The following NAV3 variants were observed in gnomAD, a reference collection of about 807,000 sequenced individuals.
NAV3 encodes the protein pore membrane and/or filament interacting like protein 1.
Under a neutral mutation model 244.7 loss-of-function variants are expected in NAV3, and 87 were observed. That is an observed-to-expected ratio of 0.36 (90% CI 0.30 to 0.42). The LOEUF (loss-of-function observed/expected upper bound fraction) is 0.42. NAV3 is among the 20% of genes least tolerant of loss of function. The pLI is 1.00. For missense variants in NAV3, 2,663 were observed against 2,893.3 expected (o/e 0.92, Z 1.83); for synonymous variants, 1,126 against 1,042.2 (o/e 1.08, Z -1.55).
At chr12:77,676,433 AT>A (rs372660621) in intron 2 of NAV3, among the ~76,000 whole-genome samples, 4 of 152,264 alleles carry the variant, frequency 2.6e-5, no homozygotes, top group African/African-American at 9.6e-5. Flanking sequence ...GCTGACAAGC[AT>A]GTCTTATAGT....
At chr12:77,613,008 G>T (rs570282083) in intron 2 of NAV3, among the ~76,000 whole-genome samples, 1 of 152,224 alleles carries the variant, frequency 6.6e-6, no homozygotes, top group South Asian at 2.1e-4. Flanking sequence ...CTTCCGCCGT[G>T]ATTGTAAGTT....
intron 9 of NAV3, among the ~76,000 whole-genome samples, chr12:78,043,735 T>C (rs980678728): frequency 1.3e-5 from 2 of 152,246 alleles, no homozygotes; most frequent in Non-Finnish European, 2.9e-5. Flanking sequence ...ATGTCTTCTT[T>C]TGAGAGGTGT....
intron 3 of NAV3, among the ~76,000 whole-genome samples, chr12:77,961,627 AAT>A (rs1892011097): frequency 7.2e-6 from 1 of 139,356 alleles, no homozygotes; most frequent in African/African-American, 2.6e-5. Flanking sequence ...CTATATATGT[AAT>A]ATATATTATG....
At chr12:78,094,977 G>A (rs1021943770) in intron 12 of NAV3, among the ~76,000 whole-genome samples, 32 of 151,292 alleles carry the variant, frequency 2.1e-4, no homozygotes, top group African/African-American at 7.3e-4. Flanking sequence ...AACCCAGGAG[G>A]CGAGGGTTGC....
intron 12 of NAV3, among the ~76,000 whole-genome samples, chr12:78,115,153 G>A (rs1428102965): frequency 6.6e-6 from 1 of 152,126 alleles, no homozygotes; most frequent in Non-Finnish European, 1.5e-5. Context: ...GTGCTTTCAT[G>A]ATGAATATTC....
intron 37 of NAV3, 87 bp downstream of exon 37, chr12:78,199,618 G>A: frequency 1.0e-6 from 1 of 998,008 alleles, no homozygotes. Context: ...AAAATAACAA[G>A]CAAAGCTAAT....
chr12:77,992,823 A>G (rs1871676236), intron 5 of NAV3, among the ~76,000 whole-genome samples: 1 of 152,220 alleles, frequency 6.6e-6, no homozygotes, highest in South Asian at 2.1e-4. Flanking sequence ...GGGTCAGCTT[A>G]CTGGAATGCC....
At chr12:77,864,044 A>C (rs1329320197) in intron 1 of NAV3, among the ~76,000 whole-genome samples, 1 of 151,918 alleles carries the variant, frequency 6.6e-6, no homozygotes, top group Admixed American at 6.6e-5. Flanking sequence ...AAATGGGGAA[A>C]GACTGGTGCA....
chr12:77,814,782 T>C (rs1364683357), intron 2 of NAV3, among the ~76,000 whole-genome samples: 2 of 152,164 alleles, frequency 1.3e-5, no homozygotes. Flanking sequence ...GTGTCTAAGC[T>C]TTTCACCTCG....
intron 2 of NAV3, among the ~76,000 whole-genome samples, chr12:77,638,091 A>AGCAATTGATCATT (rs201350446): frequency 0.025 from 3,769 of 152,308 alleles, 60 homozygotes; most frequent in Middle Eastern, 0.079. Context: ...GGATTTCTTT[A>AGCAATTGATCATT]GCAATTGATC....
chr12:77,800,351 C>T (rs1453453172), intron 2 of NAV3, among the ~76,000 whole-genome samples: 2 of 152,174 alleles, frequency 1.3e-5, no homozygotes, highest in Admixed American at 1.3e-4. Context: ...ACCTACAAAT[C>T]ACACCAACTT....
intron 34 of NAV3, among the ~76,000 whole-genome samples, chr12:78,191,329 C>T (rs1181752425): frequency 2.0e-5 from 3 of 151,964 alleles, no homozygotes; most frequent in Admixed American, 1.3e-4. Context: ...GAGAGAACAG[C>T]GCAAGTAGCA....
intron 2 of NAV3, among the ~76,000 whole-genome samples, chr12:77,781,993 A>G (rs1246719434): frequency 6.6e-6 from 1 of 152,212 alleles, no homozygotes; most frequent in South Asian, 2.1e-4. Flanking sequence ...GAGCATTTAC[A>G]TGAAGATATA....
chr12:77,931,465 T>C (rs535741474), intron 1 of NAV3, among the ~76,000 whole-genome samples: 2 of 152,300 alleles, frequency 1.3e-5, no homozygotes, highest in South Asian at 4.1e-4. Flanking sequence ...TATTTTATTC[T>C]GGCTTCTTTT....
chr12:78,193,928 G>A (rs1048735195), intron 34 of NAV3, among the ~76,000 whole-genome samples: 2 of 151,954 alleles, frequency 1.3e-5, no homozygotes, highest in African/African-American at 4.8e-5. Flanking sequence ...TGACATTCAT[G>A]TTATCATTTT....
At chr12:78,048,267 T>C (rs372736098) in intron 9 of NAV3, among the ~76,000 whole-genome samples, 1 of 152,102 alleles carries the variant, frequency 6.6e-6, no homozygotes, top group East Asian at 1.9e-4. Flanking sequence ...TGGTGAAGAG[T>C]TGTGATCCTT....
intron 9 of NAV3, among the ~76,000 whole-genome samples, chr12:78,040,254 G>A (rs1406630817): frequency 6.6e-6 from 1 of 152,052 alleles, no homozygotes; most frequent in Non-Finnish European, 1.5e-5. Flanking sequence ...ACATGAATAA[G>A]GCAGCAGTTA....
At chr12:77,687,424 C>T (rs1447389352) in intron 2 of NAV3, among the ~76,000 whole-genome samples, 4 of 152,212 alleles carry the variant, frequency 2.6e-5, no homozygotes, top group Non-Finnish European at 4.4e-5. Flanking sequence ...TAAGTATACA[C>T]TTGATTTTTC....
intron 2 of NAV3, among the ~76,000 whole-genome samples, chr12:77,735,474 A>G (rs144888887): frequency 6.6e-6 from 1 of 152,212 alleles, no homozygotes; most frequent in East Asian, 1.9e-4. Context: ...GATAAGAAGA[A>G]AAAGGTTTTA....
Sources: gnomAD v4.1 joint callset for allele counts (sites outside exome capture counted in the v4.1 genomes callset) on GRCh38, gnomAD v4.1.1 for gene constraint, MANE v1.5 for transcripts, NCBI Gene and HGNC (gene_info 2026-07-23, HGNC 2026-07-21) for gene names.